METTL16: variants seen among roughly 807,000 people sequenced by gnomAD.
The protein encoded by METTL16 is methyltransferase 16, RNA N6-adenosine, also known as RNA N(6)-adenosine-methyltransferase METTL16.
A neutral mutation model predicts 57.9 loss-of-function variants in METTL16; 19 were observed. That is an observed-to-expected ratio of 0.33 (90% CI 0.23 to 0.48). The LOEUF is 0.48. Ranked by LOEUF, METTL16 falls within the 20% of genes least tolerant of loss-of-function variation. The pLI is 0.99. For synonymous variants in METTL16, 246 were observed against 255.6 expected (o/e 0.96, Z 0.36); for missense variants, 434 against 691.5 (o/e 0.63, Z 4.18).
At position 2,496,902 on chromosome 17, in the gene METTL16, C is replaced by T. The variant is rs946603734; in HGVS notation, c.128+5302G>A. Among the ~76,000 whole-genome samples, 8 of 151,732 alleles carry T rather than the reference C, an allele frequency of 5.3e-5. 1 individual carries two copies. The highest frequency in any genetic ancestry group is 2.0e-4 in the African/African-American group (8 of 40,986). ...CTTAACCAGATGCCAGGGCCTTGCT[C>T]TTGGACTTCCCAGCCCCCAGACTAT... On this transcript the variant is annotated intron_variant, in intron 2 of 9. Coordinates refer to ENST00000263092, the MANE Select transcript of METTL16 (RefSeq NM_024086.4).
intron 2 of METTL16, among the ~76,000 whole-genome samples, chr17:2,501,311 A>G (rs1435827619): frequency 1.3e-5 from 2 of 152,002 alleles, no homozygotes; most frequent in African/African-American, 4.8e-5. Context: ...ACACTTGGCT[A>G]TTTTTATCTG....
chr17:2,453,216 T>C (rs2067083708), intron 6 of METTL16, among the ~76,000 whole-genome samples: 2 of 152,160 alleles, frequency 1.3e-5, no homozygotes, highest in Non-Finnish European at 2.9e-5. Context: ...TGCTAAAACT[T>C]AACACTCATT....
intron 2 of METTL16, among the ~76,000 whole-genome samples, chr17:2,492,171 A>G (rs996126335): frequency 1.3e-4 from 20 of 152,268 alleles, no homozygotes; most frequent in African/African-American, 4.6e-4. Context: ...AGATTGCGCC[A>G]CTGCACTCCA....
chr17:2,505,937 T>C (rs1218015239), intron 1 of METTL16, among the ~76,000 whole-genome samples: 1 of 151,992 alleles, frequency 6.6e-6, no homozygotes, highest in African/African-American at 2.4e-5. Context: ...GCTCTTTGTG[T>C]CCTTCTACCC....
intron 7 of METTL16, among the ~76,000 whole-genome samples, chr17:2,439,708 TTC>T (rs2066933461): frequency 2.0e-5 from 3 of 152,312 alleles, no homozygotes; most frequent in African/African-American, 7.2e-5. Flanking sequence ...GATTTCTGGC[TTC>T]TCTCTGACAT....
intron 1 of METTL16, among the ~76,000 whole-genome samples, chr17:2,506,201 C>T (rs1179527544): frequency 6.6e-6 from 1 of 151,608 alleles, no homozygotes; most frequent in African/African-American, 2.4e-5. Context: ...TCAGGAAGAT[C>T]TTTCCTTCCC....
chr17:2,502,037 A>C (rs968278420), intron 2 of METTL16, among the ~76,000 whole-genome samples, 167 bp downstream of exon 2: 1 of 152,162 alleles, frequency 6.6e-6, no homozygotes, highest in Non-Finnish European at 1.5e-5. Flanking sequence ...CCATTCCTCT[A>C]ATGTTATACA....
intron 4 of METTL16, among the ~76,000 whole-genome samples, chr17:2,470,158 G>A (rs959832416): frequency 6.6e-6 from 1 of 152,158 alleles, no homozygotes; most frequent in African/African-American, 2.4e-5. Flanking sequence ...TACAGCTCGC[G>A]TCTGAAGGAA....
Position 2,420,608 on chromosome 17 carries a change from A to G in METTL16, c.1063-12T>C. The G allele has an allele frequency of 6.3e-7, 1 of 1,581,642 alleles. No homozygotes were observed. The highest frequency in any genetic ancestry group is 8.6e-7 in the Non-Finnish European group (1 of 1,168,648). On this transcript the variant is annotated splice_polypyrimidine_tract_variant and intron_variant, in intron 9 of 9. Coordinates refer to ENST00000263092, the MANE Select transcript of METTL16 (RefSeq NM_024086.4). The surrounding 1 kb of genome is among the most constrained non-coding windows in gnomAD (Gnocchi z 5.4). The stretch of plus-strand genomic sequence containing the variant: ...CGTTTATGCTGGACCTGTTTGGAGG[A>G]AAAACAGAATTTTGTGGGAAATCAC...
chr17:2,440,547 C>T (rs1389791305), intron 7 of METTL16, among the ~76,000 whole-genome samples: 2 of 151,016 alleles, frequency 1.3e-5, no homozygotes, highest in Non-Finnish European at 2.9e-5. Flanking sequence ...GCGCCCAGCC[C>T]GACCCCATTT....
intron 2 of METTL16, among the ~76,000 whole-genome samples, chr17:2,493,828 G>A (rs2067420300): frequency 6.6e-6 from 1 of 151,960 alleles, no homozygotes; most frequent in East Asian, 1.9e-4. Context: ...GAGCTGCCAG[G>A]TCATTTACAC....
chr17:2,474,290 A>G (rs983764387), intron 3 of METTL16, among the ~76,000 whole-genome samples: 1 of 152,170 alleles, frequency 6.6e-6, no homozygotes, highest in South Asian at 2.1e-4. Context: ...CCATTCTCCA[A>G]AAGCAGGAAA....
intron 2 of METTL16, among the ~76,000 whole-genome samples, chr17:2,488,590 A>C (rs1470961484): frequency 6.6e-6 from 1 of 151,466 alleles, no homozygotes. Flanking sequence ...TAAAAAAAAC[A>C]AAAAAAAGGA....
Position 2,477,755 on chromosome 17 carries a change from G to T in METTL16, c.259C>A (p.His87Asn). ...TGACCGATCAGATCTTCTACCCAGT[G>T]AATATAGTTGAGTCTCAAGGGAACT... is the stretch of plus-strand genomic sequence containing the variant. ...PTVPLRLNYI[H>N]WVEDLIGHQD... The change falls in exon 3 of 10, where the codon CAC becomes AAC. Residue 87 changes from histidine (H) to asparagine (N), a missense_variant. Transcript: ENST00000263092. The T allele has an allele frequency of 6.2e-7, 1 of 1,613,948 alleles. No individual in the cohort carries two copies. Among genetic ancestry groups the T allele is most frequent in the Non-Finnish European group, 8.5e-7 (1 of 1,179,824 alleles).
At chr17:2,472,877 G>A (rs1160051714) in intron 4 of METTL16, among the ~76,000 whole-genome samples, 2 of 152,112 alleles carry the variant, frequency 1.3e-5, no homozygotes, top group Non-Finnish European at 2.9e-5. Context: ...CACAGAAGAC[G>A]GCAGGGCAGT....
At chr17:2,457,075 T>C (rs2067115943) in intron 6 of METTL16, among the ~76,000 whole-genome samples, 1 of 151,962 alleles carries the variant, frequency 6.6e-6, no homozygotes, top group Non-Finnish European at 1.5e-5. Flanking sequence ...GGCTCACGCC[T>C]GTAATCCCAG....
chr17:2,447,353 C>T (rs1253273460), intron 6 of METTL16, among the ~76,000 whole-genome samples: 2 of 139,432 alleles, frequency 1.4e-5, no homozygotes, highest in Non-Finnish European at 3.0e-5. Context: ...GCAACCGCCC[C>T]GTCTGAGAAG....
intron 1 of METTL16, among the ~76,000 whole-genome samples, chr17:2,505,274 T>C (rs1028828227): frequency 6.6e-6 from 1 of 151,816 alleles, no homozygotes; most frequent in African/African-American, 2.4e-5. Context: ...TAGCCAAAAA[T>C]CTAGGAGTCA....
intron 2 of METTL16, among the ~76,000 whole-genome samples, chr17:2,495,589 G>C (rs2067438388): frequency 6.6e-6 from 1 of 150,578 alleles, no homozygotes; most frequent in South Asian, 2.1e-4. Flanking sequence ...CAGCTAGCCA[G>C]GAGGCTGAGG....
Sources: allele counts gnomAD v4.1 joint callset (sites outside exome capture counted in the v4.1 genomes callset), GRCh38; gene constraint gnomAD v4.1.1; non-coding constraint Gnocchi (gnomAD v3.1); transcripts MANE v1.5; gene names NCBI Gene and HGNC (gene_info 2026-07-23, HGNC 2026-07-21).